ARNT2: variants seen among roughly 807,000 people sequenced by gnomAD.
ARNT2 encodes aryl hydrocarbon receptor nuclear translocator 2.
Under a neutral mutation model 91.7 loss-of-function variants are expected in ARNT2, and 36 were observed. That is an observed-to-expected ratio of 0.39 (90% CI 0.30 to 0.52). ARNT2 has a LOEUF of 0.52. Ranked by LOEUF, ARNT2 falls within the 20% of genes least tolerant of loss-of-function variation. The pLI is 0.72. For synonymous variants in ARNT2, 365 were observed against 347.1 expected, an observed-to-expected ratio of 1.05 and a Z score of -0.57; for missense variants, 775 against 939.3, an observed-to-expected ratio of 0.83 and a Z score of 2.29.
chr15:80,453,075 G>C (rs1896425529), intron 2 of ARNT2, among the ~76,000 whole-genome samples: 1 of 152,202 alleles, frequency 6.6e-6, no homozygotes, highest in Non-Finnish European at 1.5e-5. Flanking sequence ...TCTAGCTTCA[G>C]TCCCATTTCT....
At chr15:80,574,389 C>T (rs1413950306) in intron 13 of ARNT2, among the ~76,000 whole-genome samples, 169 bp downstream of exon 13, 2 of 152,218 alleles carry the variant, frequency 1.3e-5, no homozygotes, top group Non-Finnish European at 2.9e-5. Flanking sequence ...TGCTGTCACT[C>T]CTCCCTATAG....
rs3054951 is a variant in ARNT2, at chr15:80,423,776, C to CAGAGAGAGAGAG, written c.31+19243_31+19254dup. ...TGTGTGAAAGAGAGGGAGAAAGAGG[C>CAGAGAGAGAGAG]AGAGAGAGAGAGAGAGAGAGAGAGT... On this transcript the variant is annotated intron_variant, in intron 1 of 18. Transcript: ENST00000303329. Among the ~76,000 whole-genome samples the CAGAGAGAGAGAG allele has an allele frequency of 1.6e-3, 239 of 148,606 alleles. 3 individuals are homozygous for CAGAGAGAGAGAG. The highest frequency in any genetic ancestry group is 3.3e-3 in the African/African-American group (131 of 40,200).
intron 17 of ARNT2, among the ~76,000 whole-genome samples, chr15:80,582,128 C>G (rs993468767): frequency 6.6e-6 from 1 of 152,106 alleles, no homozygotes; most frequent in Admixed American, 6.5e-5. Flanking sequence ...GAATCTGAGC[C>G]CAAACATCTG....
Position 80,595,538 on chromosome 15 carries a change from A to T in ARNT2, c.*1840A>T, listed in dbSNP as rs531183090. The T allele has an allele frequency of 6.6e-6, 1 of 152,266 alleles. No individual in the cohort carries two copies. Among genetic ancestry groups the T allele is most frequent in the African/African-American group, 2.4e-5 (1 of 41,458 alleles). The allele number at this position is 152,266 out of a possible 1,614,324, so 9.4% of individuals were successfully genotyped here. A position where few individuals can be genotyped will look rare whatever the true frequency, so the allele number is the denominator to read the frequency against. On this transcript the variant is annotated 3_prime_UTR_variant, in exon 19 of 19. Transcript: ENST00000303329. ...CTGGCCAGGGAGATCCATGTGCTCA[A>T]TGTTGCTGGGGGACCTACAAAAGTC...
chr15:80,550,401 G>A (rs1340226357), intron 8 of ARNT2, among the ~76,000 whole-genome samples: 3 of 152,166 alleles, frequency 2.0e-5, no homozygotes, highest in African/African-American at 4.8e-5. Flanking sequence ...CCGACCCAGT[G>A]TGGAAATATT....
intron 1 of ARNT2, among the ~76,000 whole-genome samples, chr15:80,437,746 G>A (rs1896111599): frequency 6.6e-6 from 1 of 152,148 alleles, no homozygotes; most frequent in South Asian, 2.1e-4. Context: ...CCTGCCCACA[G>A]AGCCGAGCAT....
chr15:80,422,392 A>G (rs917059678), intron 1 of ARNT2, among the ~76,000 whole-genome samples: 2 of 152,256 alleles, frequency 1.3e-5, no homozygotes, highest in East Asian at 3.8e-4. Flanking sequence ...AACAGTGATC[A>G]TGCATGCCAG....
At chr15:80,544,316 T>C (rs1169550749) in intron 8 of ARNT2, among the ~76,000 whole-genome samples, 1 of 152,218 alleles carries the variant, frequency 6.6e-6, no homozygotes, top group African/African-American at 2.4e-5. Context: ...AAATTTAAGT[T>C]GCTGGCTTGA....
At chr15:80,407,550 C>T (rs566718643) in intron 1 of ARNT2, among the ~76,000 whole-genome samples, 8 of 152,340 alleles carry the variant, frequency 5.3e-5, no homozygotes, top group African/African-American at 1.7e-4. Context: ...TCCTCATATC[C>T]TGTGGCCCCT....
intron 8 of ARNT2, among the ~76,000 whole-genome samples, chr15:80,526,454 T>C (rs1897642054): frequency 6.6e-6 from 1 of 152,236 alleles, no homozygotes; most frequent in African/African-American, 2.4e-5. Flanking sequence ...CAAATGTCTT[T>C]TCTACAACAA....
At chr15:80,589,185 CA>C (rs1009171382) in intron 17 of ARNT2, among the ~76,000 whole-genome samples, 7 of 152,144 alleles carry the variant, frequency 4.6e-5, no homozygotes, top group African/African-American at 1.7e-4. Context: ...AAATCAAGTT[CA>C]GTCCTAGAAG....
At chr15:80,437,795 G>A (rs550754938) in intron 1 of ARNT2, among the ~76,000 whole-genome samples, 1 of 152,236 alleles carries the variant, frequency 6.6e-6, no homozygotes, top group African/African-American at 2.4e-5. Context: ...ATTGCTTCCT[G>A]ATCATAAGAG....
At chr15:80,420,102 C>T (rs983284674) in intron 1 of ARNT2, among the ~76,000 whole-genome samples, 1 of 152,180 alleles carries the variant, frequency 6.6e-6, no homozygotes, top group Non-Finnish European at 1.5e-5. Flanking sequence ...CCAGAACCCA[C>T]ATTCTGGATC....
intron 3 of ARNT2, among the ~76,000 whole-genome samples, chr15:80,458,485 G>A (rs983072158): frequency 2.0e-5 from 3 of 152,016 alleles, no homozygotes; most frequent in Non-Finnish European, 4.4e-5. Flanking sequence ...ATAGAAAACT[G>A]GGTTTTCAGC....
At chr15:80,467,646 G>A (rs1391244671) in intron 3 of ARNT2, among the ~76,000 whole-genome samples, 2 of 152,234 alleles carry the variant, frequency 1.3e-5, no homozygotes, top group Non-Finnish European at 2.9e-5. Flanking sequence ...AGCGGCCAGG[G>A]TGCCTGCCCA....
intron 2 of ARNT2, among the ~76,000 whole-genome samples, chr15:80,454,232 A>G (rs1238957878): frequency 2.0e-5 from 3 of 150,584 alleles, no homozygotes; most frequent in East Asian, 1.9e-4. Context: ...CCCTGATCTC[A>G]GTGACAGGGT....
chr15:80,574,247 G>T, intron 13 of ARNT2, 27 bp downstream of exon 13: 1 of 1,606,256 alleles, frequency 6.2e-7, no homozygotes, highest in Non-Finnish European at 8.5e-7. Context: ...CCCTTTCCCT[G>T]TTGGAATTGT....
intron 1 of ARNT2, among the ~76,000 whole-genome samples, chr15:80,406,204 A>G (rs1034650482): frequency 6.6e-6 from 1 of 152,210 alleles, no homozygotes; most frequent in African/African-American, 2.4e-5. Flanking sequence ...GGAGGTGTCC[A>G]TGGAGACACC....
At chr15:80,505,927 GTTT>G (rs1161520898) in intron 5 of ARNT2, among the ~76,000 whole-genome samples, 1 of 88,938 alleles carries the variant, frequency 1.1e-5, no homozygotes, top group Non-Finnish European at 2.2e-5. Context: ...AACATTTGTT[GTTT>G]TTTTTTTTTT....
Sources: allele counts gnomAD v4.1 joint callset (sites outside exome capture counted in the v4.1 genomes callset), GRCh38; gene constraint gnomAD v4.1.1; transcripts MANE v1.5; gene names NCBI Gene and HGNC (gene_info 2026-07-23, HGNC 2026-07-21).